USH2A: variants seen among roughly 807,000 people sequenced by gnomAD.
The protein encoded by USH2A is usherin.
A neutral mutation model predicts 538.9 loss-of-function variants in USH2A; 443 were observed. That is an observed-to-expected ratio of 0.82 (90% CI 0.76 to 0.89). USH2A has a LOEUF of 0.89. Among genes scored for constraint, USH2A ranks in the 40% least tolerant of loss-of-function variants. The probability of loss-of-function intolerance (pLI) is 0.00; values close to 1 mark genes in which losing one functional copy is unlikely to be tolerated. For missense variants in USH2A, 6,633 were observed against 6,324.8 expected (o/e 1.05, Z -1.65); for synonymous variants, 2,413 against 2,273.5 (o/e 1.06, Z -1.75).
intron 37 of USH2A, among the ~76,000 whole-genome samples, chr1:215,959,603 T>C (rs1475520700): frequency 6.6e-6 from 1 of 152,244 alleles, no homozygotes; most frequent in African/African-American, 2.4e-5. Context: ...TTTGTTTTTC[T>C]AAAATGCCAT....
At chr1:215,745,387 A>G (rs1020608493) in intron 58 of USH2A, among the ~76,000 whole-genome samples, 1 of 152,092 alleles carries the variant, frequency 6.6e-6, no homozygotes, top group Non-Finnish European at 1.5e-5. Context: ...ACCAGTTTGA[A>G]AGTCTTACAA....
At position 215,786,840 on chromosome 1, in the gene USH2A, G is replaced by A. The variant is rs774237501; in HGVS notation, c.10217C>T (p.Ser3406Phe). Residue 3406 changes from serine to phenylalanine, a missense_variant, in exon 52 of 72, where the codon TCT (serine) becomes TTT (phenylalanine). Ser to Phe is a radical substitution (Grantham distance 155). Coordinates refer to ENST00000307340, the MANE Select transcript of USH2A (RefSeq NM_206933.4). ...TKECRILCPASMEATEHCGRC... is the reference protein window; with the variant it reads ...TKECRILCPAFMEATEHCGRC... ...GCCACAATGTTCTGTGGCTTCCATA[G>A]ATGCTGGGCAGAGGATCCTGCACTC... 4 of 1,613,946 alleles carry A rather than the reference G, an allele frequency of 2.5e-6. No individual in the cohort carries two copies. In the South Asian group the frequency reaches 4.4e-5, roughly 18 times the overall value.
At chr1:216,320,621 T>C (rs1243653147) in intron 9 of USH2A, among the ~76,000 whole-genome samples, 2 of 152,198 alleles carry the variant, frequency 1.3e-5, no homozygotes, top group Non-Finnish European at 2.9e-5. Context: ...ATATTACCAA[T>C]CTTTATATTT....
chr1:215,836,498 A>ATATAATATATATAT (rs1491303511), intron 47 of USH2A, among the ~76,000 whole-genome samples: 1 of 17,776 alleles, frequency 5.6e-5, no homozygotes, highest in African/African-American at 1.5e-4. Flanking sequence ...TTATATATAT[A>ATATAATATATATAT]ATATATATTA....
At chr1:215,741,223 C>T (rs1277522527) in intron 60 of USH2A, 152 bp downstream of exon 60, 3 of 980,692 alleles carry the variant, frequency 3.1e-6, no homozygotes, top group African/African-American at 3.3e-5. Flanking sequence ...GTGCTACAAA[C>T]AAACAAACAA....
Position 216,199,957 on chromosome 1 carries a change from C to T in USH2A, c.3481G>A (p.Gly1161Ser), listed in dbSNP as rs2034945280. Residue 1161 changes from glycine (G) to serine (S), a missense_variant, in exon 17 of 72, where the codon GGC becomes AGC. By Grantham distance (56) the Gly-to-Ser change is moderately conservative. Coordinates refer to ENST00000307340, the MANE Select transcript of USH2A (RefSeq NM_206933.4). ...CAGGTAAGTGTCACAGAGTCTGAGC[C>T]AATAGGAATGATATAACTTAAAGTC... The part of the protein sequence containing the change: ...NLTLSYIIPI[G>S]SDSVTLTWTT... 3.1e-6 allele frequency: 5 copies of T among 1,613,910 alleles called. No individual in the cohort carries two copies. The highest frequency in any genetic ancestry group is 3.3e-5 in the Admixed American group (2 of 59,990).
Position 215,998,927 on chromosome 1 carries a change from T to C in USH2A, c.6617A>G (p.Gln2206Arg). 6.2e-7 allele frequency: 1 copy of C among 1,613,364 alleles called. No individual in the cohort carries two copies. Among genetic ancestry groups the C allele is most frequent in the Non-Finnish European group, 8.5e-7 (1 of 1,179,574 alleles). Residue 2206 changes from glutamine (Q) to arginine (R), a missense_variant, in exon 34 of 72, where the codon CAA becomes CGA. Transcript: ENST00000307340. ...ATATTTATTACCAGGTAAAACGTAT[T>C]GTAGCATATGATCCTGGAAAAGTTC... Reference protein sequence around the residue: ...STELFQDHMLQYVLPGNKYLI... With the variant: ...STELFQDHMLRYVLPGNKYLI...
intron 43 of USH2A, among the ~76,000 whole-genome samples, chr1:215,876,505 G>A (rs1351518626): frequency 6.6e-6 from 1 of 152,156 alleles, no homozygotes; most frequent in Non-Finnish European, 1.5e-5. Context: ...TTCAGGTGTA[G>A]GGCACTATGT....
chr1:215,948,237 C>T (rs1292581621), intron 37 of USH2A, among the ~76,000 whole-genome samples: 1 of 151,918 alleles, frequency 6.6e-6, no homozygotes, highest in Admixed American at 6.6e-5. Context: ...CTTCCTTCCC[C>T]CATGTTTTCC....
intron 15 of USH2A, among the ~76,000 whole-genome samples, chr1:216,208,426 A>G (rs2102482742): frequency 6.6e-6 from 1 of 152,276 alleles, no homozygotes; most frequent in Middle Eastern, 3.4e-3. Flanking sequence ...TGTAAGGTAC[A>G]GAAAAGAATC....
chr1:215,955,692 T>C (rs1294853931), intron 37 of USH2A, among the ~76,000 whole-genome samples: 1 of 152,154 alleles, frequency 6.6e-6, no homozygotes, highest in Non-Finnish European at 1.5e-5. Flanking sequence ...TTTTCATAAA[T>C]AGCCCACTAG....
At chr1:215,783,043 TGCTC>T in intron 52 of USH2A, 108 bp from the exon 53 acceptor site, 1 of 970,086 alleles carries the variant, frequency 1.0e-6, no homozygotes, top group Non-Finnish European at 1.5e-6. Flanking sequence ...AAATGTTTAA[TGCTC>T]TAAACGCTTT....
chr1:216,070,740 T>C lies in USH2A; in HGVS notation c.5858-448A>G, dbSNP rs117631771. ...AAAAAAAATCACAAATGTGATTGTG[T>C]TGTACTTGAATGCCTAGACCCATTT... On this transcript the variant is annotated intron_variant, in intron 29 of 71. Coordinates refer to ENST00000307340, the MANE Select transcript of USH2A (RefSeq NM_206933.4). Among the ~76,000 whole-genome samples the C allele has an allele frequency of 1.9e-3, 283 of 152,196 alleles. 3 individuals carry two copies. In the East Asian group the frequency reaches 0.05, roughly 27 times the overall value.
chr1:215,697,041 C>T (rs1658837772), intron 61 of USH2A, among the ~76,000 whole-genome samples: 1 of 151,986 alleles, frequency 6.6e-6, no homozygotes, highest in Non-Finnish European at 1.5e-5. Flanking sequence ...CAGCCTTGAC[C>T]TCCTGGGCTC....
chr1:215,736,104 T>C (rs1660149367), intron 60 of USH2A, among the ~76,000 whole-genome samples: 1 of 152,174 alleles, frequency 6.6e-6, no homozygotes, highest in South Asian at 2.1e-4. Context: ...TGCCACACTC[T>C]TTCCACTTTA....
At chr1:216,400,615 A>T (rs1363522051) in intron 3 of USH2A, among the ~76,000 whole-genome samples, 2 of 152,280 alleles carry the variant, frequency 1.3e-5, no homozygotes, top group East Asian at 3.9e-4. Context: ...GATAAAACCA[A>T]GGAAACTCAT....
At chr1:215,951,062 A>G (rs369261701) in intron 37 of USH2A, among the ~76,000 whole-genome samples, 4,826 of 151,538 alleles carry the variant, frequency 0.032, 116 homozygotes, top group South Asian at 0.083. Context: ...TTCCGGTTCT[A>G]CTCTGATCTT....
At chr1:216,139,178 G>A (rs1036580155) in intron 21 of USH2A, among the ~76,000 whole-genome samples, 2 of 151,978 alleles carry the variant, frequency 1.3e-5, no homozygotes, top group Non-Finnish European at 2.9e-5. Flanking sequence ...AGGAATATCA[G>A]CCAAGGTCAG....
chr1:215,623,727 T>TA lies in USH2A; in HGVS notation c.*2053dup, dbSNP rs1457321308. 1.3e-5 allele frequency: 2 copies of TA among 152,148 alleles called. No individual in the cohort carries two copies. The highest frequency in any genetic ancestry group is 4.8e-5 in the African/African-American group (2 of 41,444). 9.4% of individuals were successfully genotyped at this position (152,148 alleles called of 1,614,324 possible). On this transcript the variant is annotated 3_prime_UTR_variant, in exon 72 of 72. Coordinates refer to ENST00000307340, the MANE Select transcript of USH2A (RefSeq NM_206933.4). ...TGATTAAATGGATAATGATCCAAGA[T>TA]AAAATCCCCTGCAGTTCTGTATTTT... is the stretch of plus-strand genomic sequence containing the variant.
Sources: allele counts gnomAD v4.1 joint callset (sites outside exome capture counted in the v4.1 genomes callset), GRCh38; gene constraint gnomAD v4.1.1; transcripts MANE v1.5; gene names NCBI Gene and HGNC (gene_info 2026-07-23, HGNC 2026-07-21).